Variants in SQLE observed in about 807,000 individuals in gnomAD.
The protein encoded by SQLE is squalene monooxygenase.
SQLE carries 29 observed loss-of-function variants against 60.7 expected under a neutral mutation model. The ratio of observed to expected loss-of-function variants is 0.48; its 90% CI spans 0.36 to 0.65. SQLE has a LOEUF of 0.65. Ranked by LOEUF, SQLE falls within the 30% of genes least tolerant of loss-of-function variation. SQLE has a pLI of 0.00. For synonymous variants in SQLE, 237 were observed against 246.8 expected, an observed-to-expected ratio of 0.96 and a Z score of 0.37; for missense variants, 605 against 684.1, an observed-to-expected ratio of 0.88 and a Z score of 1.29.
Position 125,003,389 on chromosome 8 carries a change from C to G in SQLE, c.505C>G (p.Pro169Ala). 1 of 1,613,886 alleles carries G rather than the reference C, an allele frequency of 6.2e-7. No individual in the cohort carries two copies. The highest frequency in any genetic ancestry group is 8.5e-7 in the Non-Finnish European group (1 of 1,179,870). The change falls in exon 2 of 11, where the codon CCG becomes GCG. Residue 169 changes from proline to alanine, a missense_variant. By Grantham distance (27) the Pro-to-Ala change is conservative. Coordinates refer to ENST00000265896, the MANE Select transcript of SQLE (RefSeq NM_003129.4). ...CAGAATAGTTGGAGAATTCCTGCAG[C>G]CGGGTGGTTATCATGTTCTCAAAGA... ...PDRIVGEFLQ[P>A]GGYHVLKDLG...
At chr8:125,006,302 A>G (rs181246264) in intron 3 of SQLE, among the ~76,000 whole-genome samples, 3 of 152,292 alleles carry the variant, frequency 2.0e-5, no homozygotes, top group Admixed American at 1.3e-4. Context: ...ATATCCATGG[A>G]AGAAGAGTAT....
intron 6 of SQLE, among the ~76,000 whole-genome samples, chr8:125,010,565 C>T (rs992169953): frequency 2.6e-5 from 4 of 151,304 alleles, no homozygotes; most frequent in Non-Finnish European, 5.9e-5. Flanking sequence ...AAATTATTAA[C>T]AGAAATGAAG....
chr8:125,020,943 C>A, intron 10 of SQLE, 72 bp downstream of exon 10: 1 of 1,008,206 alleles, frequency 9.9e-7, no homozygotes, highest in Non-Finnish European at 1.5e-6. Flanking sequence ...TGAATTACTG[C>A]AAATCTTTCT....
intron 1 of SQLE, chr8:125,000,157 C>A (rs1188582362): frequency 4.9e-6 from 2 of 406,442 alleles, no homozygotes; most frequent in East Asian, 7.1e-5. Flanking sequence ...GAATGCTCAA[C>A]ATTTTGAGGC....
intron 1 of SQLE, among the ~76,000 whole-genome samples, chr8:125,002,591 T>TG (rs751685664): frequency 1.2e-4 from 18 of 152,064 alleles, no homozygotes; most frequent in Non-Finnish European, 5.9e-5. Context: ...GCCAGAGAAT[T>TG]GCTTGAATCC....
chr8:125,009,249 A>T lies in SQLE; in HGVS notation c.1014A>T (p.Ser338=). ...NPSPVLIYQI[S]SSETRVLVDI... ...GTCCAGTTCTCATCTACCAGATTTC[A>T]TCCAGTGAAACTCGAGTACTTGTTG... The change falls in exon 6 of 11, where the codon TCA becomes TCT. Residue 338 remains serine (S), a synonymous_variant. Transcript: ENST00000265896. 1 of 1,613,812 alleles carries T rather than the reference A, an allele frequency of 6.2e-7. No individual in the cohort carries two copies. Among genetic ancestry groups the T allele is most frequent in the East Asian group, 2.2e-5 (1 of 44,866 alleles).
chr8:125,007,472 G>C lies in SQLE; in HGVS notation c.807G>C (p.Glu269Asp). ...TGGGAGTTCAGTACAAGGATAAAGA[G>C]ACTGGAGATATCAAGGTGAGAAATA... ...VVMGVQYKDKETGDIKELHAP... is the reference protein window; with the variant it reads ...VVMGVQYKDKDTGDIKELHAP... Residue 269 changes from glutamate (E) to aspartate (D), a missense_variant, in exon 4 of 11, where the codon GAG becomes GAC. Glu to Asp is a conservative substitution (Grantham distance 45, BLOSUM62 2). Transcript: ENST00000265896. 2 of 1,546,694 alleles carry C rather than the reference G, an allele frequency of 1.3e-6. No homozygotes were observed. The highest frequency in any genetic ancestry group is 1.7e-6 in the Non-Finnish European group (2 of 1,144,056).
At chr8:125,021,028 A>G in intron 10 of SQLE, 157 bp downstream of exon 10, 1 of 598,188 alleles carries the variant, frequency 1.7e-6, no homozygotes. Flanking sequence ...GAAGAAACGC[A>G]ATATTTAGTA....
chr8:125,015,708 T>C (rs572208171), intron 7 of SQLE, among the ~76,000 whole-genome samples: 1 of 152,200 alleles, frequency 6.6e-6, no homozygotes, highest in Non-Finnish European at 1.5e-5. Context: ...TGTACCTTCA[T>C]GTAATTGCTT....
intron 2 of SQLE, among the ~76,000 whole-genome samples, chr8:125,005,077 T>C (rs1404711692): frequency 1.3e-5 from 2 of 152,178 alleles, no homozygotes; most frequent in African/African-American, 2.4e-5. Flanking sequence ...ATATATTCAG[T>C]CATTATATAT....
chr8:125,018,339 T>C, intron 8 of SQLE, 138 bp downstream of exon 8: 1 of 892,874 alleles, frequency 1.1e-6, no homozygotes, highest in Non-Finnish European at 1.7e-6. Context: ...TGCTTAGGCT[T>C]AAAGAACCTG....
chr8:125,006,478 A>G (rs1814947850), intron 3 of SQLE, among the ~76,000 whole-genome samples: 1 of 151,676 alleles, frequency 6.6e-6, no homozygotes, highest in Non-Finnish European at 1.5e-5. Flanking sequence ...AAAATTAGCC[A>G]GGCGTGGTAG....
intron 2 of SQLE, among the ~76,000 whole-genome samples, chr8:125,004,258 C>G (rs1448012974): frequency 1.3e-5 from 2 of 152,062 alleles, no homozygotes; most frequent in African/African-American, 4.8e-5. Flanking sequence ...ACTTTTCAAA[C>G]TTAGATGAAT....
intron 2 of SQLE, among the ~76,000 whole-genome samples, chr8:125,004,317 C>G (rs1350601742): frequency 1.3e-5 from 2 of 152,062 alleles, no homozygotes; most frequent in Non-Finnish European, 2.9e-5. Context: ...TATAGTGAAC[C>G]TATTCTTGCA....
In SQLE at chr8:125,013,492, A is replaced by G. The variant is rs555679513; in HGVS notation, c.1204+1860A>G. ...CTCAGCCTCCCGAGTAGCTGGGATTATAGGTGCTCGCCACCGTGCCCAGCT... is the reference window on the plus strand; with the variant it reads ...CTCAGCCTCCCGAGTAGCTGGGATTGTAGGTGCTCGCCACCGTGCCCAGCT... On this transcript the variant is annotated intron_variant, in intron 7 of 10. Transcript: ENST00000265896. Among the ~76,000 whole-genome samples, 5 of 151,480 alleles carry G rather than the reference A, an allele frequency of 3.3e-5. No individual in the cohort carries two copies. In the South Asian group the frequency reaches 1.0e-3, roughly 32 times the overall value.
chr8:125,007,379 T>C lies in SQLE; in HGVS notation c.726-12T>C, dbSNP rs770609555. ...GTGCTGCTTTAGAAATGTATTTTTT[T>C]TTATTCTTTAGTGCAAAGTTTATTG... On this transcript the variant is annotated splice_polypyrimidine_tract_variant and intron_variant, in intron 3 of 10. Transcript: ENST00000265896. 2.4e-5 allele frequency: 36 copies of C among 1,517,110 alleles called. No homozygotes were observed. Among genetic ancestry groups the C allele is most frequent in the Non-Finnish European group, 3.2e-5 (36 of 1,129,326 alleles). 94.0% of individuals were successfully genotyped at this position (1,517,110 alleles called of 1,614,324 possible). A position where few individuals can be genotyped will look rare whatever the true frequency, so the allele number is the denominator to read the frequency against.
intron 3 of SQLE, among the ~76,000 whole-genome samples, chr8:125,006,396 A>T (rs573013987): frequency 6.6e-6 from 1 of 152,020 alleles, no homozygotes; most frequent in Admixed American, 6.6e-5. Flanking sequence ...TGAGGTGGGC[A>T]GATCACGAGG....
chr8:125,000,554 G>C (rs1268528877), intron 1 of SQLE, among the ~76,000 whole-genome samples: 5 of 152,018 alleles, frequency 3.3e-5, no homozygotes, highest in African/African-American at 1.2e-4. Flanking sequence ...AGCGATTCTC[G>C]TGCCTCACTC....
At chr8:125,015,726 G>A (rs955055761) in intron 7 of SQLE, among the ~76,000 whole-genome samples, 6 of 152,032 alleles carry the variant, frequency 3.9e-5, no homozygotes, top group Non-Finnish European at 8.8e-5. Flanking sequence ...CTTACTGCTC[G>A]TTAAGGTCCT....
Sources: gnomAD v4.1 joint callset for allele counts (sites outside exome capture counted in the v4.1 genomes callset) on GRCh38, gnomAD v4.1.1 for gene constraint, MANE v1.5 for transcripts, NCBI Gene and HGNC (gene_info 2026-07-23, HGNC 2026-07-21) for gene names.